RSPH14: variants seen among roughly 807,000 people sequenced by gnomAD.
The protein encoded by RSPH14 is radial spoke head 14 homolog.
A neutral mutation model predicts 26.7 loss-of-function variants in RSPH14; 20 were observed. The observed-to-expected ratio is 0.75, with a 90% confidence interval of 0.53 to 1.09. RSPH14 has a LOEUF of 1.09. RSPH14 is among the 50% of genes least tolerant of loss of function. RSPH14 has a pLI of 0.00. For missense variants in RSPH14, 449 were observed against 457.2 expected, an observed-to-expected ratio of 0.98 and a Z score of 0.16; for synonymous variants, 177 against 189.3, an observed-to-expected ratio of 0.93 and a Z score of 0.53.
intron 4 of RSPH14, among the ~76,000 whole-genome samples, chr22:23,104,785 A>C (rs1472508594): frequency 6.6e-6 from 1 of 152,204 alleles, no homozygotes; most frequent in East Asian, 1.9e-4. Flanking sequence ...AGGATGCAGC[A>C]GCAAGGCTCT....
chr22:23,060,238 G>A (rs964812215), intron 6 of RSPH14, among the ~76,000 whole-genome samples: 4 of 152,124 alleles, frequency 2.6e-5, no homozygotes, highest in East Asian at 3.9e-4. Flanking sequence ...TTGGGAGGCC[G>A]AGGCTGGTGG....
rs1290713685 is a variant in RSPH14, at chr22:23,139,049, C to T, written c.200-107G>A. 22 of 804,782 alleles carry T rather than the reference C, an allele frequency of 2.7e-5. No individual in the cohort carries two copies. In the East Asian group the frequency reaches 5.9e-4, roughly 22 times the overall value. 49.9% of individuals were successfully genotyped at this position (804,782 alleles called of 1,614,324 possible). ...GTGGGCCAGTTGGGGCAGGAATGTACCAGAGTTTCTGCTGCTTTGGGGCAC... is the reference window on the plus strand; with the variant it reads ...GTGGGCCAGTTGGGGCAGGAATGTATCAGAGTTTCTGCTGCTTTGGGGCAC... On this transcript the variant is annotated intron_variant, in intron 2 of 6. Coordinates refer to ENST00000216036, the MANE Select transcript of RSPH14 (RefSeq NM_014433.3).
At chr22:23,060,226 C>T (rs762230878) in intron 6 of RSPH14, among the ~76,000 whole-genome samples, 2 of 152,166 alleles carry the variant, frequency 1.3e-5, no homozygotes, top group East Asian at 3.9e-4. Flanking sequence ...AATCCCAGCA[C>T]TTTGGGAGGC....
At chr22:23,178,659 A>G in the RSPH14 span, among the ~76,000 whole-genome samples, 736 of 152,330 alleles carry the variant, frequency 4.8e-3, 5 homozygotes, top group African/African-American at 0.017. Context: ...CACCCAGCCT[A>G]GAAACTGGGG....
chr22:23,130,063 GAAAGAAAGAAAGAAAGAAAGGAAGAA>G (rs2070282614), intron 4 of RSPH14, among the ~76,000 whole-genome samples: 3 of 32,238 alleles, frequency 9.3e-5, no homozygotes, highest in Admixed American at 6.5e-4. Flanking sequence ...GAAAGAAAAA[GAAAGAAAGAAAGAAAGAAAGGAAGAA>G]AGAAAGAAAG....
the RSPH14 span, among the ~76,000 whole-genome samples, chr22:23,165,933 T>G: frequency 6.6e-6 from 1 of 151,814 alleles, no homozygotes; most frequent in Non-Finnish European, 1.5e-5. Flanking sequence ...GATCACGAGG[T>G]CAGGAGATAG....
At chr22:23,112,436 G>A (rs966074027) in intron 4 of RSPH14, among the ~76,000 whole-genome samples, 2 of 152,178 alleles carry the variant, frequency 1.3e-5, no homozygotes, top group Non-Finnish European at 2.9e-5. Context: ...GGTTGAAGAG[G>A]TGCGGGGAGC....
chr22:23,069,945 T>C (rs1263195390), intron 4 of RSPH14, among the ~76,000 whole-genome samples: 1 of 151,500 alleles, frequency 6.6e-6, no homozygotes, highest in East Asian at 1.9e-4. Flanking sequence ...TGAACCCGAG[T>C]GGAGAGAAGG....
At chr22:23,110,751 T>A (rs1358993308) in intron 4 of RSPH14, among the ~76,000 whole-genome samples, 2 of 151,944 alleles carry the variant, frequency 1.3e-5, no homozygotes, top group Non-Finnish European at 2.9e-5. Flanking sequence ...CTGCAGAGAG[T>A]TCATGCCAAG....
At chr22:23,115,540 A>T (rs1457564113) in intron 4 of RSPH14, among the ~76,000 whole-genome samples, 1 of 151,956 alleles carries the variant, frequency 6.6e-6, no homozygotes, top group Non-Finnish European at 1.5e-5. Context: ...CCCAGAGGGG[A>T]GCGAGGAGGA....
chr22:23,135,660 T>C (rs778508739), intron 3 of RSPH14, among the ~76,000 whole-genome samples: 6 of 152,094 alleles, frequency 3.9e-5, no homozygotes, highest in Non-Finnish European at 7.3e-5. Context: ...AAAAATATGA[T>C]AGGAAACACC....
the RSPH14 span, chr22:23,159,175 T>C: frequency 4.3e-6 from 7 of 1,611,510 alleles, no homozygotes; most frequent in African/African-American, 1.3e-5. Context: ...AGGGGCCGCA[T>C]GTGAGCAGGC....
chr22:23,171,210 C>A, the RSPH14 span, among the ~76,000 whole-genome samples: 1 of 152,138 alleles, frequency 6.6e-6, no homozygotes, highest in Admixed American at 6.5e-5. Flanking sequence ...TCATGATCCA[C>A]CCACTGTGGC....
the RSPH14 span, among the ~76,000 whole-genome samples, chr22:23,169,440 C>T: frequency 2.0e-5 from 3 of 152,202 alleles, no homozygotes; most frequent in African/African-American, 7.2e-5. Context: ...GTGGAGACAG[C>T]GCGGAAAAGG....
intron 4 of RSPH14, among the ~76,000 whole-genome samples, chr22:23,084,109 C>T (rs1183185695): frequency 2.0e-5 from 3 of 152,158 alleles, no homozygotes; most frequent in African/African-American, 7.2e-5. Context: ...TGTCCCTACC[C>T]ATGTCCAGTG....
the RSPH14 span, chr22:23,152,908 C>T: frequency 1.0e-4 from 74 of 720,224 alleles, no homozygotes; most frequent in Middle Eastern, 2.4e-4. Context: ...CCATGGCCTG[C>T]GTGGACCATC....
the RSPH14 span, among the ~76,000 whole-genome samples, chr22:23,150,427 G>A: frequency 4.0e-4 from 60 of 150,892 alleles, no homozygotes; most frequent in African/African-American, 9.3e-4. Flanking sequence ...TCAGCCTCCC[G>A]AGTAGCGGGG....
At chr22:23,123,445 G>A (rs2070088371) in intron 4 of RSPH14, 1 of 1,563,284 alleles carries the variant, frequency 6.4e-7, no homozygotes, top group African/African-American at 1.4e-5. Context: ...GCTGGGCCCG[G>A]GGCCCGCCTG....
intron 4 of RSPH14, among the ~76,000 whole-genome samples, chr22:23,082,335 G>A (rs568318786): frequency 2.7e-5 from 4 of 150,126 alleles, no homozygotes; most frequent in African/African-American, 7.3e-5. Context: ...TCTCAGCCTC[G>A]AAAGTAGCTG....
Sources: gnomAD v4.1 joint callset for allele counts (sites outside exome capture counted in the v4.1 genomes callset) on GRCh38, gnomAD v4.1.1 for gene constraint, MANE v1.5 for transcripts, NCBI Gene and HGNC (gene_info 2026-07-23, HGNC 2026-07-21) for gene names.